GIGYF1: variants seen among roughly 807,000 people sequenced by gnomAD.
GIGYF1 encodes GRB10 interacting GYF protein 1, also known as GRB10-interacting GYF protein 1.
A neutral mutation model predicts 147.1 loss-of-function variants in GIGYF1; 84 were observed. The ratio of observed to expected loss-of-function variants is 0.57; its 90% CI spans 0.48 to 0.68. GIGYF1 has a LOEUF of 0.68. GIGYF1 is among the 30% of genes least tolerant of loss of function. The probability of loss-of-function intolerance (pLI) is 0.00; values close to 1 mark genes in which losing one functional copy is unlikely to be tolerated. For synonymous variants in GIGYF1, 752 were observed against 589.5 expected (o/e 1.28, Z -3.99); for missense variants, 1,485 against 1,393.7 (o/e 1.07, Z -1.04).
At chr7:100,686,552 A>G in intron 10 of GIGYF1, 97 bp downstream of exon 10, 4 of 1,522,556 alleles carry the variant, frequency 2.6e-6, no homozygotes, top group Non-Finnish European at 3.5e-6. Context: ...CACACCAGCC[A>G]GCCTCTGCTC....
chr7:100,689,594 A>C (rs1037278123), intron 1 of GIGYF1, 39 bp from the exon 2 acceptor site: 2 of 152,502 alleles, frequency 1.3e-5, no homozygotes, highest in African/African-American at 4.8e-5. Context: ...CAGGGTGCTG[A>C]GGAGGAAAGG....
At position 100,684,768 on chromosome 7, in the gene GIGYF1, CCCCATGGCTGAGCGGGAGGGCAGT is replaced by C. The variant is rs768112852; in HGVS notation, c.1393_1416del (p.Thr465_Gly472del). 1.2e-6 allele frequency: 2 copies of C among 1,612,326 alleles called. No individual in the cohort carries two copies. Among genetic ancestry groups the C allele is most frequent in the Non-Finnish European group, 1.7e-6 (2 of 1,179,428 alleles). ...TCCTTGTAGAACCACTTCCGGGCAG[CCCCATGGCTGAGCGGGAGGGCAGT>C]GGCGGCTGCAGAGTGGCGCAGGCCC... On this transcript the variant is annotated inframe_deletion, in exon 15 of 27. Transcript: ENST00000678049.
At position 100,682,477 on chromosome 7, in the gene GIGYF1, G is replaced by A. The variant is rs781440332; in HGVS notation, c.2606C>T (p.Ser869Leu). Residue 869 changes from serine (S) to leucine (L), a missense_variant, in exon 24 of 27, where the codon TCA (serine) becomes TTA (leucine). Physicochemically the swap from Ser to Leu is moderately radical, Grantham distance 145. Coordinates refer to ENST00000678049, the MANE Select transcript of GIGYF1 (RefSeq NM_001375765.1). Reference protein sequence around the residue: ...NSRSSPSLSDSYSHLSGRPIR... With the variant: ...NSRSSPSLSDLYSHLSGRPIR... ...GGGCCGACCCGATAGGTGGCTGTAT[G>A]AGTCACTGAAGGGGGAGGGTGAGTC... 10 of 1,611,948 alleles carry A rather than the reference G, an allele frequency of 6.2e-6. No individual in the cohort carries two copies. The highest frequency in any genetic ancestry group is 8.5e-6 in the Non-Finnish European group (10 of 1,179,928).
Position 100,684,146 on chromosome 7 carries a change from G to C in GIGYF1, c.1742C>G (p.Pro581Arg), listed in dbSNP as rs532695822. The change falls in exon 18 of 27, where the codon CCA becomes CGA. Residue 581 changes from proline to arginine, a missense_variant. By Grantham distance (103) the Pro-to-Arg change is moderately radical. Coordinates refer to ENST00000678049, the MANE Select transcript of GIGYF1 (RefSeq NM_001375765.1). ...TGCCTTTTCTCGGAGCGCGCACTGT[G>C]GGAGCTGGCGGCTGCAAATGGGACA... ...FLQLVSSRQLPQCALREKAAL... is the reference protein window; with the variant it reads ...FLQLVSSRQLRQCALREKAAL... The C allele has an allele frequency of 5.6e-6, 9 of 1,608,442 alleles. No homozygotes were observed. In the Admixed American group the frequency reaches 1.0e-4, roughly 18 times the overall value.
intron 11 of GIGYF1, 30 bp from the exon 12 acceptor site, chr7:100,686,109 A>G: frequency 3.2e-6 from 5 of 1,576,786 alleles, no homozygotes; most frequent in Non-Finnish European, 4.3e-6. Flanking sequence ...GGAGCAGAGA[A>G]CAGCTGGGGT....
Position 100,684,198 on chromosome 7 carries a change from C to CGCCG in GIGYF1, c.1730+35_1730+38dup, listed in dbSNP as rs1434654146. ...TGGAGATGGTGGGCCACAGAGCCAG[C>CGCCG]GCCGGGCCTTCTCCCAGCCCACCCC... is the stretch of plus-strand genomic sequence containing the variant. On this transcript the variant is annotated intron_variant, in intron 17 of 26. Coordinates refer to ENST00000678049, the MANE Select transcript of GIGYF1 (RefSeq NM_001375765.1). 3.7e-6 allele frequency: 6 copies of CGCCG among 1,609,242 alleles called. No homozygotes were observed. In the African/African-American group the frequency reaches 6.7e-5, roughly 18 times the overall value.
chr7:100,691,900 G>A (rs1312732013), intron 1 of GIGYF1, among the ~76,000 whole-genome samples: 1 of 152,262 alleles, frequency 6.6e-6, no homozygotes, highest in African/African-American at 2.4e-5. Context: ...GCGCGGGAAA[G>A]GGAGCCTGCT....
At chr7:100,684,365 C>G (rs762527107) in intron 16 of GIGYF1, 28 bp from the exon 17 acceptor site, 3 of 1,595,528 alleles carry the variant, frequency 1.9e-6, no homozygotes, top group African/African-American at 2.7e-5. Flanking sequence ...CGGCCAGTGC[C>G]CCCAGCAGGG....
At position 100,684,218 on chromosome 7, in the gene GIGYF1, C is replaced by A; in HGVS notation, c.1730+19G>T. The A allele has an allele frequency of 6.2e-7, 1 of 1,610,034 alleles. No homozygotes were observed. The highest frequency in any genetic ancestry group is 8.5e-7 in the Non-Finnish European group (1 of 1,179,162). On this transcript the variant is annotated intron_variant, in intron 17 of 26. Transcript: ENST00000678049. ...GCCAGCGCCGGGCCTTCTCCCAGCC[C>A]ACCCCAGGCCCCCCATACCTGCTGA... is the stretch of plus-strand genomic sequence containing the variant.
chr7:100,685,170 G>T, intron 13 of GIGYF1, 24 bp from the exon 14 acceptor site: 1 of 1,553,638 alleles, frequency 6.4e-7, no homozygotes, highest in Non-Finnish European at 8.8e-7. Flanking sequence ...GATAGGAGGT[G>T]GAAAGAAGGG....
chr7:100,684,960 G>T, intron 14 of GIGYF1, 66 bp from the exon 15 acceptor site: 1 of 1,582,014 alleles, frequency 6.3e-7, no homozygotes, highest in Non-Finnish European at 8.6e-7. Context: ...TGGGGATGGG[G>T]ATGGAGCTTG....
rs751951469 is a variant in GIGYF1, at chr7:100,682,071, C to CCTG, written c.2923_2925dup (p.Gln975dup). 25 of 1,612,430 alleles carry CCTG rather than the reference C, an allele frequency of 1.6e-5. No homozygotes were observed. The highest frequency in any genetic ancestry group is 2.2e-5 in the South Asian group (2 of 91,066). On this transcript the variant is annotated inframe_insertion and splice_region_variant. Transcript: ENST00000678049. ...CCAGCTGCTGGTGCCGGCTGCCTCA[C>CCTG]CTGCTGCTGCTGCCGCTGCTGGCTG... is the stretch of plus-strand genomic sequence containing the variant.
chr7:100,694,012 C>G (rs1427407058), intron 1 of GIGYF1, 98 bp downstream of exon 1: 1 of 146,936 alleles, frequency 6.8e-6, no homozygotes, highest in African/African-American at 2.5e-5. Flanking sequence ...CGGCGCTTCT[C>G]TAGCTCGCGG....
At position 100,683,089 on chromosome 7, in the gene GIGYF1, G is replaced by A. The variant is rs1476408733; in HGVS notation, c.2335C>T (p.Leu779=). Residue 779 remains leucine (L), a synonymous_variant, in exon 22 of 27, where the codon CTG becomes TTG. Transcript: ENST00000678049. The stretch of plus-strand genomic sequence containing the variant: ...TTGTGCAGCTGCCGCTCGCCCTCCA[G>A]CTGCAACTCCAGGAGCGTCTTCATG... The part of the protein sequence containing the change: ...LSMKTLLELQ[L]EGERQLHKQP... The A allele has an allele frequency of 6.3e-7, 1 of 1,587,518 alleles. No individual in the cohort carries two copies. Among genetic ancestry groups the A allele is most frequent in the African/African-American group, 1.3e-5 (1 of 74,774 alleles).
rs754681664 is a variant in GIGYF1, at chr7:100,685,984, C to T, written c.1044G>A (p.Gly348=). 1.2e-6 allele frequency: 2 copies of T among 1,612,072 alleles called. No homozygotes were observed. Among genetic ancestry groups the T allele is most frequent in the East Asian group, 2.2e-5 (1 of 44,872 alleles). ...EEPSEGLEEE[G]PEAGGKELTP... ...CACCCCGCGGCTCACCTGCCTCAGGCCCTTCCTCCTCTAGCCCTTCGGAAG... is the reference window on the plus strand; with the variant it reads ...CACCCCGCGGCTCACCTGCCTCAGGTCCTTCCTCCTCTAGCCCTTCGGAAG... The change falls in exon 12 of 27, where the codon GGG becomes GGA. Residue 348 remains glycine (G), a synonymous_variant. Coordinates refer to ENST00000678049, the MANE Select transcript of GIGYF1 (RefSeq NM_001375765.1).
Position 100,684,010 on chromosome 7 carries a change from C to A in GIGYF1, c.1868+10G>T, listed in dbSNP as rs760061153. 1.2e-6 allele frequency: 2 copies of A among 1,602,330 alleles called. No homozygotes were observed. The highest frequency in any genetic ancestry group is 1.7e-6 in the Non-Finnish European group (2 of 1,178,242). ...ACCCTGTATCCTGAGGGCTCGCACGCACCACGCACCTGGGGGGTTTGAGCG... is the reference window on the plus strand; with the variant it reads ...ACCCTGTATCCTGAGGGCTCGCACGAACCACGCACCTGGGGGGTTTGAGCG... On this transcript the variant is annotated intron_variant, in intron 18 of 26. Transcript: ENST00000678049.
rs1805628078 is a variant in GIGYF1 at position 100,689,035 on chromosome 7, A to C, written c.-578T>G. 1 of 152,668 alleles carries C rather than the reference A, an allele frequency of 6.6e-6. No homozygotes were observed. The highest frequency in any genetic ancestry group is 6.5e-5 in the Admixed American group (1 of 15,308). 9.5% of individuals were successfully genotyped at this position (152,668 alleles called of 1,614,324 possible). ...AAGGATTAGAAATAAATCTAGGAGC[A>C]AAATTCTTTCCCTCATGAAAAAAAT... is the stretch of plus-strand genomic sequence containing the variant. On this transcript the variant is annotated 5_prime_UTR_variant, in exon 2 of 27. Coordinates refer to ENST00000678049, the MANE Select transcript of GIGYF1 (RefSeq NM_001375765.1).
At chr7:100,687,921 G>A in intron 5 of GIGYF1, 38 bp from the exon 6 acceptor site, 2 of 1,612,558 alleles carry the variant, frequency 1.2e-6, no homozygotes, top group East Asian at 2.2e-5. Flanking sequence ...ACCACATGCT[G>A]CCAGATCCCC....
In GIGYF1 at chr7:100,686,812, A is replaced by G. The variant is rs748960354; in HGVS notation, c.531T>C (p.Cys177=). 12 of 1,613,822 alleles carry G rather than the reference A, an allele frequency of 7.4e-6. No homozygotes were observed. Among genetic ancestry groups the G allele is most frequent in the Middle Eastern group, 3.3e-4 (2 of 6,062 alleles). Residue 177 remains cysteine, a synonymous_variant, in exon 10 of 27, where the codon TGT becomes TGC. Transcript: ENST00000678049. The part of the protein sequence containing the change: ...EKSARRDGAR[C]GFEEGGAGPR... The stretch of plus-strand genomic sequence containing the variant: ...GGCCAGCCCCTCCCTCCTCAAAGCC[A>G]CATCGTGCTGGGAGACGGGAAGACA...
Sources: gnomAD v4.1 joint callset for allele counts (sites outside exome capture counted in the v4.1 genomes callset) on GRCh38, gnomAD v4.1.1 for gene constraint, MANE v1.5 for transcripts, NCBI Gene and HGNC (gene_info 2026-07-23, HGNC 2026-07-21) for gene names.